The following BMP2K variants were observed in gnomAD, a reference collection of about 807,000 sequenced individuals.
BMP2K encodes the protein BMP-2-inducible protein kinase.
A neutral mutation model predicts 116.0 loss-of-function variants in BMP2K; 74 were observed. The ratio of observed to expected loss-of-function variants is 0.64; its 90% CI spans 0.53 to 0.77. The LOEUF (loss-of-function observed/expected upper bound fraction) is 0.77, where lower values mean the gene tolerates loss of function less well. Ranked by LOEUF, BMP2K falls within the 30% of genes least tolerant of loss-of-function variation. BMP2K has a pLI of 0.00. For synonymous variants in BMP2K, 486 were observed against 502.5 expected, an observed-to-expected ratio of 0.97 and a Z score of 0.44; for missense variants, 1,365 against 1,403.6, an observed-to-expected ratio of 0.97 and a Z score of 0.44.
At chr4:78,906,418 C>T (rs886097732) in intron 15 of BMP2K, among the ~76,000 whole-genome samples, 3 of 152,092 alleles carry the variant, frequency 2.0e-5, no homozygotes, top group African/African-American at 7.2e-5. Context: ...TCCCCAGTTG[C>T]CCGTACTATT....
chr4:78,848,780 A>G (rs1206463247), intron 6 of BMP2K, among the ~76,000 whole-genome samples: 4 of 151,152 alleles, frequency 2.6e-5, no homozygotes, highest in African/African-American at 9.7e-5. Flanking sequence ...AAAAACTGTA[A>G]GCTGTGGGCT....
Position 78,911,144 on chromosome 4 carries a change from T to G in BMP2K, c.2597T>G (p.Val866Gly). 1 of 1,613,932 alleles carries G rather than the reference T, an allele frequency of 6.2e-7. No individual in the cohort carries two copies. The highest frequency in any genetic ancestry group is 8.5e-7 in the Non-Finnish European group (1 of 1,179,880). The change falls in exon 16 of 16, where the codon GTG becomes GGG. Residue 866 changes from valine to glycine, a missense_variant. Physicochemically the swap from Val to Gly is moderately radical, Grantham distance 109. Coordinates refer to ENST00000502613, the MANE Select transcript of BMP2K (RefSeq NM_198892.2). ...DVFGAVPFFA[V>G]RAQQPQQEKN... is the part of the protein sequence containing the mutation. ...TTTGGCGCTGTCCCCTTCTTTGCAG[T>G]GCGTGCTCAACAGCCCCAGCAAGAA...
Position 78,776,418 on chromosome 4 carries a change from G to C in BMP2K, c.-126G>C. 5 of 970,232 alleles carry C rather than the reference G, an allele frequency of 5.2e-6. No individual in the cohort carries two copies. Among genetic ancestry groups the C allele is most frequent in the Non-Finnish European group, 6.3e-6 (5 of 791,812 alleles). The allele number at this position is 970,232 out of a possible 1,614,324, so 60.1% of individuals were successfully genotyped here. On this transcript the variant is annotated 5_prime_UTR_variant, in exon 1 of 16. Coordinates refer to ENST00000502613, the MANE Select transcript of BMP2K (RefSeq NM_198892.2). ...GCGCTTGGGGAGCGCGGAATGTGAGGCTTGGCGGGCCGCAGCACGCTCGGA... is the reference window on the plus strand; with the variant it reads ...GCGCTTGGGGAGCGCGGAATGTGAGCCTTGGCGGGCCGCAGCACGCTCGGA...
intron 1 of BMP2K, among the ~76,000 whole-genome samples, chr4:78,802,994 C>T (rs1360265842): frequency 2.0e-5 from 3 of 151,998 alleles, no homozygotes; most frequent in Admixed American, 1.3e-4. Flanking sequence ...GGATTACAGG[C>T]GCCTGCCACC....
intron 10 of BMP2K, among the ~76,000 whole-genome samples, chr4:78,870,198 A>G (rs1732262019): frequency 6.6e-6 from 1 of 152,198 alleles, no homozygotes; most frequent in African/African-American, 2.4e-5. Context: ...CATTACAGTG[A>G]GCATTTATTA....
intron 15 of BMP2K, among the ~76,000 whole-genome samples, chr4:78,893,568 T>C (rs1040208231): frequency 7.2e-5 from 11 of 152,194 alleles, no homozygotes; most frequent in Non-Finnish European, 2.9e-5. Flanking sequence ...ATTTCTTAAA[T>C]AATAAGACTT....
At chr4:78,864,569 T>TG (rs1315445530) in intron 9 of BMP2K, among the ~76,000 whole-genome samples, 1 of 150,450 alleles carries the variant, frequency 6.6e-6, no homozygotes, top group Non-Finnish European at 1.5e-5. Context: ...TTTTTTTTTT[T>TG]GGTACCTCTT....
chr4:78,897,013 C>T (rs1349823008), intron 15 of BMP2K, among the ~76,000 whole-genome samples: 1 of 151,976 alleles, frequency 6.6e-6, no homozygotes, highest in Non-Finnish European at 1.5e-5. Context: ...TGATAGTTTC[C>T]TCTCTTGAAA....
intron 1 of BMP2K, among the ~76,000 whole-genome samples, chr4:78,805,339 G>A (rs192361204): frequency 8.5e-4 from 129 of 152,260 alleles, no homozygotes; most frequent in African/African-American, 2.9e-3. Context: ...TTGAAACTGG[G>A]AAGTGTGAGT....
chr4:78,793,645 G>A (rs1056605875), intron 1 of BMP2K, among the ~76,000 whole-genome samples: 1 of 151,914 alleles, frequency 6.6e-6, no homozygotes, highest in African/African-American at 2.4e-5. Context: ...AAAACAGTCC[G>A]ATATAGTAGC....
chr4:78,825,749 C>T (rs930708956), intron 1 of BMP2K, among the ~76,000 whole-genome samples: 9 of 152,196 alleles, frequency 5.9e-5, no homozygotes, highest in African/African-American at 2.2e-4. Flanking sequence ...ATAATTGTGA[C>T]ATTTTTCACT....
chr4:78,880,200 G>A (rs947172605), intron 14 of BMP2K, among the ~76,000 whole-genome samples: 2 of 152,182 alleles, frequency 1.3e-5, no homozygotes, highest in African/African-American at 4.8e-5. Context: ...AGCCTCCCGA[G>A]TAGCTGGGAT....
chr4:78,867,530 CA>C (rs1400194743), intron 10 of BMP2K, among the ~76,000 whole-genome samples: 1 of 151,770 alleles, frequency 6.6e-6, no homozygotes, highest in Non-Finnish European at 1.5e-5. Context: ...CTTTTTCCCC[CA>C]ATAAGTGCAT....
At chr4:78,804,683 T>C (rs942546864) in intron 1 of BMP2K, among the ~76,000 whole-genome samples, 2 of 152,098 alleles carry the variant, frequency 1.3e-5, no homozygotes, top group African/African-American at 2.4e-5. Context: ...TAATGACTGA[T>C]GTTGAGCATC....
intron 8 of BMP2K, chr4:78,859,985 G>A (rs1577933762): frequency 1.8e-6 from 1 of 542,140 alleles, no homozygotes; most frequent in African/African-American, 1.9e-5. Flanking sequence ...AAGTTATTTG[G>A]GCCTAACAGT....
chr4:78,876,942 T>C (rs1240364492), intron 13 of BMP2K, among the ~76,000 whole-genome samples: 1 of 152,200 alleles, frequency 6.6e-6, no homozygotes, highest in Non-Finnish European at 1.5e-5. Flanking sequence ...TACAAACCTG[T>C]ATAGCATGTT....
At chr4:78,839,258 C>T (rs1195337459) in intron 3 of BMP2K, among the ~76,000 whole-genome samples, 1 of 152,148 alleles carries the variant, frequency 6.6e-6, no homozygotes, top group African/African-American at 2.4e-5. Flanking sequence ...TGTCCGTCAT[C>T]CTCTTTCTGT....
chr4:78,845,168 C>T (rs909509882), intron 5 of BMP2K, 119 bp downstream of exon 5: 1 of 908,102 alleles, frequency 1.1e-6, no homozygotes, highest in African/African-American at 1.7e-5. Flanking sequence ...TGAAATATTT[C>T]TGTGCCATAG....
At chr4:78,825,670 G>C (rs1347754160) in intron 1 of BMP2K, among the ~76,000 whole-genome samples, 2 of 152,190 alleles carry the variant, frequency 1.3e-5, no homozygotes, top group Non-Finnish European at 2.9e-5. Context: ...AATAACGTCA[G>C]TGTTTTGTCA....
Sources: gnomAD v4.1 joint callset for allele counts (sites outside exome capture counted in the v4.1 genomes callset) on GRCh38, gnomAD v4.1.1 for gene constraint, MANE v1.5 for transcripts, NCBI Gene and HGNC (gene_info 2026-07-23, HGNC 2026-07-21) for gene names.